The following TBC1D8 variants were observed in gnomAD, a reference collection of about 807,000 sequenced individuals.
The protein encoded by TBC1D8 is BUB2-like protein 1.
A neutral mutation model predicts 118.8 loss-of-function variants in TBC1D8; 65 were observed. The ratio of observed to expected loss-of-function variants is 0.55; its 90% CI spans 0.45 to 0.67. TBC1D8 has a LOEUF of 0.67. Among genes scored for constraint, TBC1D8 ranks in the 30% least tolerant of loss-of-function variants. The probability of loss-of-function intolerance (pLI) is 0.00; values close to 1 mark genes in which losing one functional copy is unlikely to be tolerated. For synonymous variants in TBC1D8, 566 were observed against 595.8 expected (o/e 0.95, Z 0.73); for missense variants, 1,376 against 1,471.2 (o/e 0.94, Z 1.06).
chr2:101,027,550 G>T, intron 14 of TBC1D8, 99 bp from the exon 15 acceptor site: 1 of 1,018,892 alleles, frequency 9.8e-7, no homozygotes, highest in Non-Finnish European at 1.5e-6. Context: ...GACACAAGGA[G>T]CCCATGCACC....
chr2:101,071,431 A>T (rs1353845070), intron 2 of TBC1D8, among the ~76,000 whole-genome samples: 1 of 152,210 alleles, frequency 6.6e-6, no homozygotes, highest in Non-Finnish European at 1.5e-5. Context: ...CCCTGTGGGG[A>T]GGCTAGAAAT....
chr2:101,080,841 A>G (rs2105447172), intron 2 of TBC1D8, among the ~76,000 whole-genome samples: 1 of 151,482 alleles, frequency 6.6e-6, no homozygotes, highest in South Asian at 2.1e-4. Context: ...GGAGTACAGT[A>G]GCACGATCCC....
At chr2:101,048,272 T>C (rs1407506617) in intron 5 of TBC1D8, among the ~76,000 whole-genome samples, 2 of 152,166 alleles carry the variant, frequency 1.3e-5, no homozygotes, top group Non-Finnish European at 2.9e-5. Flanking sequence ...TGTAGAGGCA[T>C]TTGAAGAAAT....
chr2:101,131,501 G>A (rs544786817), intron 1 of TBC1D8, among the ~76,000 whole-genome samples: 12 of 150,006 alleles, frequency 8.0e-5, no homozygotes, highest in East Asian at 5.9e-4. Flanking sequence ...CAACAAGAGC[G>A]AAACTCCGTT....
At chr2:101,021,586 G>T in intron 17 of TBC1D8, 95 bp downstream of exon 17, 1 of 886,992 alleles carries the variant, frequency 1.1e-6, no homozygotes. Context: ...AAGCATAAGT[G>T]AACTTTAAAA....
intron 4 of TBC1D8, among the ~76,000 whole-genome samples, chr2:101,051,958 T>G (rs1041799206): frequency 1.3e-5 from 2 of 152,224 alleles, no homozygotes; most frequent in South Asian, 4.1e-4. Context: ...CTTAAAGATC[T>G]CAGTAAAACT....
chr2:101,124,672 G>A (rs1678275085), intron 1 of TBC1D8, among the ~76,000 whole-genome samples: 1 of 152,140 alleles, frequency 6.6e-6, no homozygotes. Flanking sequence ...TGAACTCAGG[G>A]ACCAGATCAA....
In TBC1D8 at chr2:101,050,528, A is replaced by C; in HGVS notation, c.745T>G (p.Phe249Val). ...TQNKERDFSM[F>V]LNLDEVFKVM... ...TTAAACACCTCATCCAGGTTCAGGA[A>C]CATGGAGAAGTCACGCTCCTTATTC... The change falls in exon 5 of 20, where the codon TTC becomes GTC. Residue 249 changes from phenylalanine (F) to valine (V), a missense_variant. Transcript: ENST00000409318. 2 of 1,614,018 alleles carry C rather than the reference A, an allele frequency of 1.2e-6. No homozygotes were observed. Among genetic ancestry groups the C allele is most frequent in the Non-Finnish European group, 8.5e-7 (1 of 1,179,886 alleles).
Position 101,049,857 on chromosome 2 carries a change from T to C in TBC1D8, c.872+544A>G, listed in dbSNP as rs550944333. Among the ~76,000 whole-genome samples, 6 of 151,968 alleles carry C rather than the reference T, an allele frequency of 3.9e-5. No homozygotes were observed. In the South Asian group the frequency reaches 1.2e-3, roughly 32 times the overall value. On this transcript the variant is annotated intron_variant, in intron 5 of 19. Transcript: ENST00000409318. ...TCTTTTTTTTTTTGAGACGGAGTCT[T>C]GTTCTGTCGCCCAGGCTGGAGTGCA...
In TBC1D8 at chr2:101,127,828, C is replaced by T. The variant is rs533490733; in HGVS notation, c.127+23299G>A. Among the ~76,000 whole-genome samples, 92 of 152,288 alleles carry T rather than the reference C, an allele frequency of 6.0e-4. 1 individual carries two copies. Among genetic ancestry groups the T allele is most frequent in the African/African-American group, 2.1e-3 (86 of 41,562 alleles). Reference sequence around the variant, plus strand: ...AGGGTCACAGCTCCTGAGTCCTGCTCGGAGCTCTTCCCATTGTTGCTGCTC... The same window carrying T: ...AGGGTCACAGCTCCTGAGTCCTGCTTGGAGCTCTTCCCATTGTTGCTGCTC... On this transcript the variant is annotated intron_variant, in intron 1 of 19. Coordinates refer to ENST00000409318, the MANE Select transcript of TBC1D8 (RefSeq NM_001330348.2).
At position 101,151,294 on chromosome 2, in the gene TBC1D8, TC is replaced by T; in HGVS notation, c.-42del. 2.7e-6 allele frequency: 3 copies of T among 1,109,304 alleles called. No homozygotes were observed. Among genetic ancestry groups the T allele is most frequent in the East Asian group, 5.2e-5 (1 of 19,374 alleles). The allele number at this position is 1,109,304 out of a possible 1,614,324, so 68.7% of individuals were successfully genotyped here. A position where few individuals can be genotyped will look rare whatever the true frequency, so the allele number is the denominator to read the frequency against. On this transcript the variant is annotated 5_prime_UTR_variant, in exon 1 of 20. Transcript: ENST00000409318. ...GCGCCCGCCGGCCCCAGCTCACATC[TC>T]CCCGGCCGCCGGTCGCTGTGAGCCG...
intron 5 of TBC1D8, among the ~76,000 whole-genome samples, chr2:101,042,937 G>C (rs1478602168): frequency 1.3e-5 from 2 of 152,182 alleles, no homozygotes; most frequent in Admixed American, 6.5e-5. Context: ...AACCATGCCA[G>C]GCTGGGCTCC....
At chr2:101,134,672 C>A (rs1054509403) in intron 1 of TBC1D8, among the ~76,000 whole-genome samples, 2 of 152,146 alleles carry the variant, frequency 1.3e-5, no homozygotes, top group Non-Finnish European at 2.9e-5. Flanking sequence ...AGGATCAGGG[C>A]CCTGCCCTTA....
intron 1 of TBC1D8, among the ~76,000 whole-genome samples, chr2:101,142,674 G>C (rs1300327761): frequency 6.6e-6 from 1 of 152,068 alleles, no homozygotes; most frequent in Non-Finnish European, 1.5e-5. Flanking sequence ...CATAAAGCAT[G>C]AATAAAAGTA....
Position 101,036,437 on chromosome 2 carries a change from C to A in TBC1D8, c.1453-269G>T, listed in dbSNP as rs897986185. Among the ~76,000 whole-genome samples, 3 of 144,782 alleles carry A rather than the reference C, an allele frequency of 2.1e-5. No individual in the cohort carries two copies. The East Asian group carries it at 6.2e-4, about 30-fold the overall frequency. 95.0% of individuals were successfully genotyped at this position (144,782 alleles called of 152,430 possible). A position where few individuals can be genotyped will look rare whatever the true frequency, so the allele number is the denominator to read the frequency against. On this transcript the variant is annotated intron_variant, in intron 8 of 19. Transcript: ENST00000409318. ...TACAAATAAAATACGATTTCCTTAGCAAGGCTGATAACAAGGGTATGTGAA... is the reference window on the plus strand; with the variant it reads ...TACAAATAAAATACGATTTCCTTAGAAAGGCTGATAACAAGGGTATGTGAA...
In TBC1D8 at chr2:101,102,528, A is replaced by T. The variant is rs147756028; in HGVS notation, c.128-12164T>A. On this transcript the variant is annotated intron_variant, in intron 1 of 19. Transcript: ENST00000409318. ...CAACTAAATGAGATTTTCAGAGTGG[A>T]TTAAAAACCAAAAAAAAAACAACAA... Among the ~76,000 whole-genome samples, 411 of 149,162 alleles carry T rather than the reference A, an allele frequency of 2.8e-3. 1 individual carries two copies. The highest frequency in any genetic ancestry group is 4.8e-3 in the Non-Finnish European group (320 of 67,186).
chr2:101,032,103 G>C (rs768131018), intron 11 of TBC1D8, among the ~76,000 whole-genome samples, 165 bp downstream of exon 11: 4 of 152,224 alleles, frequency 2.6e-5, no homozygotes, highest in African/African-American at 4.8e-5. Flanking sequence ...ACTGTGCAGA[G>C]AATGTCCCGA....
rs1440764291 is a variant in TBC1D8, at chr2:101,090,123, G to GGT, written c.283+84_283+85dup. ...AGCAGATGAGGGAGTTATCCAAAGG[G>GGT]GTTACCTTCAAGCTTCACCAACATG... On this transcript the variant is annotated intron_variant, in intron 2 of 19. Transcript: ENST00000409318. 2.8e-6 allele frequency: 4 copies of GGT among 1,436,330 alleles called. No homozygotes were observed. The East Asian group carries it at 1.0e-4, about 36-fold the overall frequency. The allele number at this position is 1,436,330 out of a possible 1,614,324, so 89.0% of individuals were successfully genotyped here.
At chr2:101,097,120 C>T (rs1341936344) in intron 1 of TBC1D8, among the ~76,000 whole-genome samples, 1 of 152,098 alleles carries the variant, frequency 6.6e-6, no homozygotes, top group Non-Finnish European at 1.5e-5. Context: ...ATAAGAATTA[C>T]TGCAGACTTC....
Sources: gnomAD v4.1 joint callset for allele counts (sites outside exome capture counted in the v4.1 genomes callset) on GRCh38, gnomAD v4.1.1 for gene constraint, MANE v1.5 for transcripts, NCBI Gene and HGNC (gene_info 2026-07-23, HGNC 2026-07-21) for gene names.